CEP104: variants seen among roughly 807,000 people sequenced by gnomAD.
The protein encoded by CEP104 is centrosomal protein of 104 kDa.
CEP104 carries 84 observed loss-of-function variants against 113.3 expected under a neutral mutation model. That is an observed-to-expected ratio of 0.74 (90% confidence interval 0.62 to 0.89). The LOEUF (loss-of-function observed/expected upper bound fraction) is 0.89. Ranked by LOEUF, CEP104 falls within the 40% of genes least tolerant of loss-of-function variation. CEP104 has a pLI of 0.00. For missense variants in CEP104, 1,053 were observed against 1,156.6 expected (o/e 0.91, Z 1.30); for synonymous variants, 378 against 421.7 (o/e 0.90, Z 1.27).
In CEP104 at chr1:3,814,085, C is replaced by G; in HGVS notation, c.*1317G>C. On this transcript the variant is annotated 3_prime_UTR_variant, in exon 22 of 22. Coordinates refer to ENST00000378230, the MANE Select transcript of CEP104 (RefSeq NM_014704.4). Reference sequence around the variant, plus strand: ...GGTTGGCAATTAAAACATATTTATACACTAATTGCATTAATGCAAACTCCA... The same window carrying G: ...GGTTGGCAATTAAAACATATTTATAGACTAATTGCATTAATGCAAACTCCA... 1 of 152,298 alleles carries G rather than the reference C, an allele frequency of 6.6e-6. No individual in the cohort carries two copies. Among genetic ancestry groups the G allele is most frequent in the South Asian group, 2.1e-4 (1 of 4,832 alleles). The allele number at this position is 152,298 out of a possible 1,614,324, so 9.4% of individuals were successfully genotyped here.
In CEP104 at chr1:3,839,617, A is replaced by G. The variant is rs765369747; in HGVS notation, c.726T>C (p.Asp242=). 3 of 1,612,014 alleles carry G rather than the reference A, an allele frequency of 1.9e-6. No individual in the cohort carries two copies. The highest frequency in any genetic ancestry group is 1.1e-5 in the South Asian group (1 of 90,512). ...YAKKLKQAIA[D]LQKVGERLGR... is the part of the protein sequence containing the mutation. ...TCTCCAAAGGCAATACCTTTTGCAA[A>G]TCAGCAATGGCTTGTTTTAGTTTCT... Residue 242 remains aspartate, a synonymous_variant, in exon 7 of 22, where the codon GAT becomes GAC. Transcript: ENST00000378230.
At chr1:3,855,163 G>A (rs764458981) in intron 1 of CEP104, among the ~76,000 whole-genome samples, 3 of 135,460 alleles carry the variant, frequency 2.2e-5, no homozygotes, top group Non-Finnish European at 3.1e-5. Context: ...TGGCCAATAA[G>A]CCCAGCCCCG....
intron 4 of CEP104, among the ~76,000 whole-genome samples, chr1:3,847,191 C>G (rs1375285297): frequency 6.6e-6 from 1 of 152,224 alleles, no homozygotes; most frequent in Non-Finnish European, 1.5e-5. Flanking sequence ...TAAAAGTTCT[C>G]ATGAACTCTT....
chr1:3,830,409 C>G, intron 13 of CEP104, among the ~76,000 whole-genome samples: 1 of 152,170 alleles, frequency 6.6e-6, no homozygotes, highest in East Asian at 1.9e-4. Context: ...CTAAACACTT[C>G]TGGTCTTAAG....
Position 3,848,636 on chromosome 1 carries a change from A to G in CEP104, c.259T>C (p.Tyr87His). 6.2e-7 allele frequency: 1 copy of G among 1,613,432 alleles called. No individual in the cohort carries two copies. The highest frequency in any genetic ancestry group is 1.1e-5 in the South Asian group (1 of 90,994). Reference protein sequence around the residue: ...SESLPEYFAPYQAERFRRLGY... With the variant: ...SESLPEYFAPHQAERFRRLGY... ...AGTCTTCGAAACCGCTCTGCTTGAT[A>G]GGGTGCAAAATATTCAGGCAAGCTT... The change falls in exon 3 of 22, where the codon TAT becomes CAT. Residue 87 changes from tyrosine (Y) to histidine (H), a missense_variant. Transcript: ENST00000378230.
chr1:3,843,515 C>A (rs1644452449), intron 6 of CEP104, among the ~76,000 whole-genome samples: 3 of 148,614 alleles, frequency 2.0e-5, no homozygotes, highest in South Asian at 4.2e-4. Context: ...CCATGCCCAG[C>A]TAATTTTTGT....
chr1:3,845,408 C>CT, intron 4 of CEP104, 57 bp from the exon 5 acceptor site: 1 of 1,259,986 alleles, frequency 7.9e-7, no homozygotes, highest in Non-Finnish European at 1.2e-6. Context: ...TGACTTAACC[C>CT]TTTTATTTAC....
At chr1:3,826,518 A>G (rs1644094963) in intron 16 of CEP104, 82 bp from the exon 17 acceptor site, 1 of 1,376,252 alleles carries the variant, frequency 7.3e-7, no homozygotes, top group African/African-American at 1.4e-5. Flanking sequence ...GTGAGCTCTA[A>G]AACGATTATA....
rs532896384 is a variant in CEP104 at position 3,836,404 on chromosome 1, T to A, written c.1317+91A>T. Reference sequence around the variant, plus strand: ...AATGCAAAGCCGTGGGCGTTTTCCCTCCTTTATGTGTAAGTACACAGAGGT... The same window carrying A: ...AATGCAAAGCCGTGGGCGTTTTCCCACCTTTATGTGTAAGTACACAGAGGT... On this transcript the variant is annotated intron_variant, in intron 10 of 21. Transcript: ENST00000378230. The A allele has an allele frequency of 4.6e-4, 615 of 1,343,130 alleles. 7 individuals are homozygous for A. In the South Asian group the frequency reaches 8.0e-3, roughly 17 times the overall value. The allele number at this position is 1,343,130 out of a possible 1,614,324, so 83.2% of individuals were successfully genotyped here.
chr1:3,849,880 G>A (rs924546053), intron 2 of CEP104, among the ~76,000 whole-genome samples: 10 of 151,858 alleles, frequency 6.6e-5, no homozygotes, highest in African/African-American at 2.2e-4. Context: ...AAGACAACCG[G>A]CAAAGCTTTG....
In CEP104 at chr1:3,829,791, C is replaced by T. The variant is rs1241751413; in HGVS notation, c.2043G>A (p.Arg681=). 6.2e-7 allele frequency: 1 copy of T among 1,613,698 alleles called. No individual in the cohort carries two copies. Among genetic ancestry groups the T allele is most frequent in the Non-Finnish European group, 8.5e-7 (1 of 1,179,766 alleles). Reference sequence around the variant, plus strand: ...CACAACTTCACCAAAGTTAACTCACCCTCATCTCAGCATCTGTAGCTCTGC... The same window carrying T: ...CACAACTTCACCAAAGTTAACTCACTCTCATCTCAGCATCTGTAGCTCTGC... ...IDGRATDAEM[R]ARRKAATEEA... is the part of the protein sequence containing the mutation. The change falls in exon 14 of 22, where the codon AGG becomes AGA. Residue 681 remains arginine, a splice_region_variant and synonymous_variant. Transcript: ENST00000378230.
At position 3,812,351 on chromosome 1, in the gene CEP104, TTAAA is replaced by T. The variant is rs1278882349; in HGVS notation, c.*3047_*3050del. 2 of 152,170 alleles carry T rather than the reference TTAAA, an allele frequency of 1.3e-5. No homozygotes were observed. Among genetic ancestry groups the T allele is most frequent in the East Asian group, 1.9e-4 (1 of 5,206 alleles). 9.4% of individuals were successfully genotyped at this position (152,170 alleles called of 1,614,324 possible). ...CATATGAAAATAATAGAAATAAATATTAAATATTCAGAACATACTCATGAGTGAA... is the reference window on the plus strand; with the variant it reads ...CATATGAAAATAATAGAAATAAATATTATTCAGAACATACTCATGAGTGAA... On this transcript the variant is annotated 3_prime_UTR_variant, in exon 22 of 22. Coordinates refer to ENST00000378230, the MANE Select transcript of CEP104 (RefSeq NM_014704.4).
intron 20 of CEP104, among the ~76,000 whole-genome samples, chr1:3,822,001 T>A (rs1469604676): frequency 6.6e-6 from 1 of 152,054 alleles, no homozygotes; most frequent in Non-Finnish European, 1.5e-5. Context: ...TGTAAAGAAG[T>A]CCCGATTCCG....
At chr1:3,815,566 G>T in intron 21 of CEP104, 49 bp from the exon 22 acceptor site, 1 of 1,354,010 alleles carries the variant, frequency 7.4e-7, no homozygotes, top group Non-Finnish European at 1.0e-6. Flanking sequence ...TCCTACCCAC[G>T]GACCAGGTGC....
chr1:3,852,931 G>C (rs138823604), intron 1 of CEP104, among the ~76,000 whole-genome samples: 66 of 152,368 alleles, frequency 4.3e-4, no homozygotes, highest in African/African-American at 1.6e-3. Context: ...TGGCCAGCAG[G>C]CGCCCAAGGT....
At position 3,814,440 on chromosome 1, in the gene CEP104, A is replaced by G. The variant is rs1173177998; in HGVS notation, c.*962T>C. On this transcript the variant is annotated 3_prime_UTR_variant, in exon 22 of 22. Coordinates refer to ENST00000378230, the MANE Select transcript of CEP104 (RefSeq NM_014704.4). Reference sequence around the variant, plus strand: ...TAAGCAATGTGTTGATGTTTTAAACATCCTATCAACTCTTTGAAGAAAGTA... The same window carrying G: ...TAAGCAATGTGTTGATGTTTTAAACGTCCTATCAACTCTTTGAAGAAAGTA... The G allele has an allele frequency of 6.6e-6, 1 of 152,268 alleles. No individual in the cohort carries two copies. The highest frequency in any genetic ancestry group is 1.5e-5 in the Non-Finnish European group (1 of 68,054). 9.4% of individuals were successfully genotyped at this position (152,268 alleles called of 1,614,324 possible).
chr1:3,826,543 G>T, intron 16 of CEP104, 107 bp from the exon 17 acceptor site: 1 of 1,325,250 alleles, frequency 7.5e-7, no homozygotes. Context: ...TAAAAAGGTA[G>T]CATGTTTTCC....
rs80238043 is a variant in CEP104, at chr1:3,851,193, C to T, written c.113+1102G>A. Among the ~76,000 whole-genome samples, 16 of 152,192 alleles carry T rather than the reference C, an allele frequency of 1.1e-4. No individual in the cohort carries two copies. The East Asian group carries it at 2.3e-3, about 22-fold the overall frequency. ...ATCCCAGCTCTGCGGGTGACAAAGG[C>T]GCTGTCTGGCCCCTTCTGCTTGACT... On this transcript the variant is annotated intron_variant, in intron 2 of 21. Coordinates refer to ENST00000378230, the MANE Select transcript of CEP104 (RefSeq NM_014704.4).
chr1:3,827,239 G>C (rs1289797056), intron 15 of CEP104, among the ~76,000 whole-genome samples: 1 of 152,112 alleles, frequency 6.6e-6, no homozygotes, highest in Non-Finnish European at 1.5e-5. Context: ...ATTATTTTTA[G>C]ACAGGGTCTC....
Sources: allele counts gnomAD v4.1 joint callset (sites outside exome capture counted in the v4.1 genomes callset), GRCh38; gene constraint gnomAD v4.1.1; transcripts MANE v1.5; gene names NCBI Gene and HGNC (gene_info 2026-07-23, HGNC 2026-07-21).